Variants in CEP83 observed in about 807,000 individuals in gnomAD.
The protein encoded by CEP83 is centrosomal protein of 83 kDa.
A neutral mutation model predicts 101.9 loss-of-function variants in CEP83; 70 were observed. The ratio of observed to expected loss-of-function variants is 0.69; its 90% CI spans 0.57 to 0.84. The LOEUF (loss-of-function observed/expected upper bound fraction) is 0.84. Ranked by LOEUF, CEP83 falls within the 40% of genes least tolerant of loss-of-function variation. The pLI is 0.00. For missense variants in CEP83, 715 were observed against 787.2 expected, an observed-to-expected ratio of 0.91 and a Z score of 1.10; for synonymous variants, 264 against 267.9, an observed-to-expected ratio of 0.99 and a Z score of 0.14.
intron 1 of CEP83, among the ~76,000 whole-genome samples, chr12:94,449,023 GA>G (rs34981223): frequency 6.9e-4 from 83 of 120,030 alleles, no homozygotes; most frequent in Middle Eastern, 8.5e-3. Flanking sequence ...CAACAAAATC[GA>G]AAAAAAAAAA....
intron 11 of CEP83, among the ~76,000 whole-genome samples, chr12:94,367,469 A>G (rs1288425587): frequency 1.3e-5 from 2 of 152,154 alleles, no homozygotes; most frequent in Non-Finnish European, 2.9e-5. Context: ...AGTATTTGTC[A>G]AAGTGTTCAT....
chr12:94,421,522 T>C (rs976998197), intron 2 of CEP83, among the ~76,000 whole-genome samples: 2 of 152,232 alleles, frequency 1.3e-5, no homozygotes, highest in Non-Finnish European at 2.9e-5. Flanking sequence ...ATATGTAATA[T>C]TCATTTTTTA....
At chr12:94,389,971 G>A (rs1050299439) in intron 6 of CEP83, among the ~76,000 whole-genome samples, 1 of 152,200 alleles carries the variant, frequency 6.6e-6, no homozygotes, top group Non-Finnish European at 1.5e-5. Context: ...CAGGAAGCTC[G>A]AACTGGGCGG....
chr12:94,413,384 T>C (rs988884299), intron 2 of CEP83, among the ~76,000 whole-genome samples: 1 of 152,194 alleles, frequency 6.6e-6, no homozygotes, highest in Non-Finnish European at 1.5e-5. Context: ...TCATGTTTCC[T>C]GAAGCTACCA....
chr12:94,287,260 C>G, the CEP83 span, among the ~76,000 whole-genome samples: 1 of 152,198 alleles, frequency 6.6e-6, no homozygotes. Flanking sequence ...TAATTAAACC[C>G]TCCCGGTGCG....
the CEP83 span, among the ~76,000 whole-genome samples, chr12:94,288,137 G>A: frequency 6.6e-6 from 1 of 152,236 alleles, no homozygotes; most frequent in Non-Finnish European, 1.5e-5. Flanking sequence ...CCTGATTGAG[G>A]AGAAATCCTG....
chr12:94,409,591 G>C (rs1340925025), intron 4 of CEP83, among the ~76,000 whole-genome samples: 2 of 152,190 alleles, frequency 1.3e-5, no homozygotes, highest in African/African-American at 4.8e-5. Context: ...AAAGGATTCT[G>C]CTTTGGACAG....
chr12:94,288,893 G>C, the CEP83 span, among the ~76,000 whole-genome samples: 1 of 152,194 alleles, frequency 6.6e-6, no homozygotes, highest in South Asian at 2.1e-4. Flanking sequence ...GAGTTTCTGT[G>C]TAGTGATTTG....
intron 7 of CEP83, 68 bp from the exon 8 acceptor site, chr12:94,376,085 T>C (rs973036154): frequency 6.3e-6 from 6 of 952,264 alleles, no homozygotes; most frequent in Non-Finnish European, 5.8e-6. Flanking sequence ...ATAAGCACTA[T>C]TTAAAATACA....
intron 6 of CEP83, among the ~76,000 whole-genome samples, chr12:94,387,887 C>T (rs371661685): frequency 6.6e-6 from 1 of 152,078 alleles, no homozygotes; most frequent in African/African-American, 2.4e-5. Context: ...GAGATACCAT[C>T]TCACACCAGT....
chr12:94,443,510 T>C (rs2066574279), intron 1 of CEP83, among the ~76,000 whole-genome samples: 1 of 152,110 alleles, frequency 6.6e-6, no homozygotes, highest in Non-Finnish European at 1.5e-5. Flanking sequence ...TATATTTTTT[T>C]GAGACAGAAC....
the CEP83 span, chr12:94,294,615 G>A: frequency 1.5e-6 from 1 of 675,970 alleles, no homozygotes; most frequent in Admixed American, 2.5e-5. Context: ...TCTCTCAGCT[G>A]TATTGTCACA....
chr12:94,342,519 G>A (rs1230935815), intron 11 of CEP83, among the ~76,000 whole-genome samples: 2 of 152,092 alleles, frequency 1.3e-5, no homozygotes, highest in Non-Finnish European at 2.9e-5. Flanking sequence ...CCAAATCCCA[G>A]CAAGTGATCT....
At chr12:94,329,889 A>G (rs1478096325) in intron 14 of CEP83, among the ~76,000 whole-genome samples, 1 of 152,222 alleles carries the variant, frequency 6.6e-6, no homozygotes, top group African/African-American at 2.4e-5. Flanking sequence ...TGTTTTTCCA[A>G]TAATACTACT....
intron 1 of CEP83, among the ~76,000 whole-genome samples, chr12:94,453,726 A>T (rs1002592120): frequency 6.6e-6 from 1 of 152,202 alleles, no homozygotes; most frequent in Non-Finnish European, 1.5e-5. Flanking sequence ...TTTTCAAATG[A>T]GAAAATAGGC....
At chr12:94,429,048 C>T (rs1268979200) in intron 2 of CEP83, among the ~76,000 whole-genome samples, 2 of 152,144 alleles carry the variant, frequency 1.3e-5, no homozygotes, top group Non-Finnish European at 2.9e-5. Context: ...ACTATTTAAA[C>T]TTTCTGGACT....
chr12:94,456,499 G>C (rs1402380226), intron 1 of CEP83, among the ~76,000 whole-genome samples: 1 of 152,184 alleles, frequency 6.6e-6, no homozygotes, highest in African/African-American at 2.4e-5. Context: ...ATAAAGGAAA[G>C]AGGTTTAATT....
intron 4 of CEP83, among the ~76,000 whole-genome samples, chr12:94,407,023 T>C (rs2063584367): frequency 6.6e-6 from 1 of 150,532 alleles, no homozygotes; most frequent in Admixed American, 6.6e-5. Context: ...GCAGGTTAGA[T>C]ACTGCAGAAG....
chr12:94,363,171 G>A (rs543947503), intron 11 of CEP83, among the ~76,000 whole-genome samples: 21 of 152,308 alleles, frequency 1.4e-4, no homozygotes, highest in African/African-American at 5.1e-4. Context: ...TAGAAGAGAC[G>A]ATTTTGAATG....
Sources: gnomAD v4.1 joint callset for allele counts (sites outside exome capture counted in the v4.1 genomes callset) on GRCh38, gnomAD v4.1.1 for gene constraint, MANE v1.5 for transcripts, NCBI Gene and HGNC (gene_info 2026-07-23, HGNC 2026-07-21) for gene names.